Variants in GIGYF2 observed in about 807,000 individuals in gnomAD.
The protein encoded by GIGYF2 is GRB10 interacting GYF protein 2.
A neutral mutation model predicts 208.1 loss-of-function variants in GIGYF2; 25 were observed. That is an observed-to-expected ratio of 0.12 (90% confidence interval 0.09 to 0.17). GIGYF2 has a LOEUF of 0.17. GIGYF2 is among the 10% of genes least tolerant of loss of function. The pLI is 1.00. For missense variants in GIGYF2, 1,302 were observed against 1,579.4 expected, an observed-to-expected ratio of 0.82 and a Z score of 2.98; for synonymous variants, 534 against 543.8, an observed-to-expected ratio of 0.98 and a Z score of 0.25.
At chr2:232,837,516 A>T (rs1701676371) in intron 22 of GIGYF2, among the ~76,000 whole-genome samples, 1 of 152,108 alleles carries the variant, frequency 6.6e-6, no homozygotes, top group African/African-American at 2.4e-5. Context: ...GTGCAGTGAC[A>T]CGATCTCAGC....
chr2:232,855,398 C>G (rs1209158225), intron 28 of GIGYF2, among the ~76,000 whole-genome samples: 5 of 152,216 alleles, frequency 3.3e-5, no homozygotes, highest in African/African-American at 7.2e-5. Flanking sequence ...TTTGTGAGTA[C>G]TGCTTATTGC....
At chr2:232,758,392 T>A (rs1451647614) in intron 6 of GIGYF2, among the ~76,000 whole-genome samples, 1 of 152,210 alleles carries the variant, frequency 6.6e-6, no homozygotes. Context: ...TAAAGCAGAT[T>A]GACAGAGCTC....
chr2:232,852,860 T>G (rs1266950561), intron 28 of GIGYF2, among the ~76,000 whole-genome samples: 1 of 152,254 alleles, frequency 6.6e-6, no homozygotes, highest in African/African-American at 2.4e-5. Context: ...CCGTTTGGAC[T>G]TAAATATTCC....
chr2:232,757,964 T>G (rs1698613713), intron 6 of GIGYF2, among the ~76,000 whole-genome samples: 1 of 152,178 alleles, frequency 6.6e-6, no homozygotes, highest in Non-Finnish European at 1.5e-5. Context: ...ATGTAAGAAG[T>G]CATGACTTTA....
At chr2:232,828,210 CTCCTGGGCTCAAGCAG>C (rs1701309042) in intron 21 of GIGYF2, among the ~76,000 whole-genome samples, 1 of 152,120 alleles carries the variant, frequency 6.6e-6, no homozygotes, top group African/African-American at 2.4e-5. Context: ...TGGTCTTGAA[CTCCTGGGCTCAAGCAG>C]TCAGCCTGCC....
At chr2:232,788,987 A>G (rs1699995833) in intron 9 of GIGYF2, among the ~76,000 whole-genome samples, 2 of 152,190 alleles carry the variant, frequency 1.3e-5, no homozygotes, top group Non-Finnish European at 2.9e-5. Context: ...GTATAGCCTG[A>G]TTATAGCAGT....
chr2:232,825,418 G>C (rs1701217269), intron 21 of GIGYF2, among the ~76,000 whole-genome samples: 1 of 152,210 alleles, frequency 6.6e-6, no homozygotes, highest in Non-Finnish European at 1.5e-5. Context: ...ATGACTGTGA[G>C]GGGTTCAAGA....
In GIGYF2 at chr2:232,857,354, G is replaced by A. The variant is rs1016866638; in HGVS notation, c.*494G>A. The A allele has an allele frequency of 5.8e-5, 11 of 190,396 alleles. No homozygotes were observed. Among genetic ancestry groups the A allele is most frequent in the Non-Finnish European group, 8.8e-5 (8 of 90,792 alleles). 11.8% of individuals were successfully genotyped at this position (190,396 alleles called of 1,614,324 possible). ...CAAAACACCCCATGGACTGTGACTC[G>A]AGTATCCAACAGGCAGTCAGAGCTC... On this transcript the variant is annotated 3_prime_UTR_variant, in exon 29 of 29. Transcript: ENST00000373563.
chr2:232,711,966 G>T (rs1696437587), intron 2 of GIGYF2, among the ~76,000 whole-genome samples: 1 of 151,236 alleles, frequency 6.6e-6, no homozygotes, highest in African/African-American at 2.4e-5. Flanking sequence ...CTTCGATGTT[G>T]AATGGATATC....
chr2:232,819,671 G>T (rs1191302438), intron 20 of GIGYF2, among the ~76,000 whole-genome samples, 156 bp from the exon 21 acceptor site: 1 of 152,004 alleles, frequency 6.6e-6, no homozygotes, highest in South Asian at 2.1e-4. Context: ...CAATTTACAT[G>T]TATACTTTTT....
chr2:232,729,419 G>T lies in GIGYF2; in HGVS notation c.-43-5736G>T, dbSNP rs552251375. On this transcript the variant is annotated intron_variant, in intron 2 of 28. Transcript: ENST00000373563. Reference sequence around the variant, plus strand: ...CAGAACACTGTTCTGAGTAATGCAGGTCTCTTTATTTGATAATTAAATAAC... The same window carrying T: ...CAGAACACTGTTCTGAGTAATGCAGTTCTCTTTATTTGATAATTAAATAAC... 397 of 542,138 alleles carry T rather than the reference G, an allele frequency of 7.3e-4. 2 individuals carry two copies. The highest frequency in any genetic ancestry group is 7.2e-3 in the African/African-American group (362 of 50,194). 33.6% of individuals were successfully genotyped at this position (542,138 alleles called of 1,614,324 possible).
intron 25 of GIGYF2, among the ~76,000 whole-genome samples, chr2:232,845,342 A>G (rs1011894819): frequency 3.9e-5 from 6 of 152,232 alleles, no homozygotes; most frequent in African/African-American, 1.4e-4. Context: ...TAGTTTATTG[A>G]GCATCTTTGC....
At chr2:232,823,064 A>T (rs1219500731) in intron 21 of GIGYF2, among the ~76,000 whole-genome samples, 1 of 152,118 alleles carries the variant, frequency 6.6e-6, no homozygotes. Context: ...ATAGATACTG[A>T]GGTTGTAAAA....
chr2:232,855,111 A>G (rs1357415841), intron 28 of GIGYF2, among the ~76,000 whole-genome samples: 1 of 125,442 alleles, frequency 8.0e-6, no homozygotes, highest in African/African-American at 3.2e-5. Flanking sequence ...TTTTGAGACA[A>G]GGTCTCACTC....
At chr2:232,827,047 T>A (rs573365912) in intron 21 of GIGYF2, among the ~76,000 whole-genome samples, 1 of 152,168 alleles carries the variant, frequency 6.6e-6, no homozygotes, top group Non-Finnish European at 1.5e-5. Flanking sequence ...TCTAGGACTT[T>A]CTTAGCTAGA....
intron 3 of GIGYF2, chr2:232,736,367 C>T (rs948793713): frequency 1.8e-5 from 4 of 221,358 alleles, no homozygotes; most frequent in African/African-American, 9.4e-5. Context: ...ATGGTACACA[C>T]TGTAAATACC....
At chr2:232,701,097 G>T (rs1158066555) in intron 1 of GIGYF2, among the ~76,000 whole-genome samples, 2 of 152,088 alleles carry the variant, frequency 1.3e-5, no homozygotes, top group East Asian at 1.9e-4. Context: ...ATAGTTTTGT[G>T]TGAGGTTGAA....
intron 17 of GIGYF2, among the ~76,000 whole-genome samples, chr2:232,812,094 G>A (rs909537333): frequency 9.9e-5 from 15 of 152,004 alleles, no homozygotes; most frequent in Middle Eastern, 3.2e-3. Flanking sequence ...TTTAAGATAC[G>A]GATATACAGT....
Position 232,825,095 on chromosome 2 carries a change from C to T in GIGYF2, c.2529+5110C>T, listed in dbSNP as rs150977347. On this transcript the variant is annotated intron_variant, in intron 21 of 28. Transcript: ENST00000373563. ...CTCATTGACAATGCCCCTAGTCATCCAAGAACTCTGATGGAGATGTACAAG... is the reference window on the plus strand; with the variant it reads ...CTCATTGACAATGCCCCTAGTCATCTAAGAACTCTGATGGAGATGTACAAG... Among the ~76,000 whole-genome samples, 283 of 152,302 alleles carry T rather than the reference C, an allele frequency of 1.9e-3. 4 individuals carry two copies. Among genetic ancestry groups the T allele is most frequent in the African/African-American group, 6.6e-3 (275 of 41,558 alleles).
Sources: gnomAD v4.1 joint callset for allele counts (sites outside exome capture counted in the v4.1 genomes callset) on GRCh38, gnomAD v4.1.1 for gene constraint, MANE v1.5 for transcripts, NCBI Gene and HGNC (gene_info 2026-07-23, HGNC 2026-07-21) for gene names.